Variants in RABGAP1L observed in about 807,000 individuals in gnomAD.
The protein encoded by RABGAP1L is RAB GTPase activating protein 1 like.
RABGAP1L carries 63 observed loss-of-function variants against 137.7 expected under a neutral mutation model. The observed-to-expected ratio is 0.46, with a 90% CI of 0.37 to 0.56. RABGAP1L has a LOEUF of 0.56. RABGAP1L is among the 20% of genes least tolerant of loss of function. The probability of loss-of-function intolerance (pLI) is 0.00; values close to 1 mark genes in which losing one functional copy is unlikely to be tolerated. For missense variants in RABGAP1L, 1,095 were observed against 1,244.0 expected (o/e 0.88, Z 1.80); for synonymous variants, 431 against 433.7 (o/e 0.99, Z 0.08).
chr1:174,647,130 A>G (rs1572668564), intron 14 of RABGAP1L, among the ~76,000 whole-genome samples: 1 of 152,122 alleles, frequency 6.6e-6, no homozygotes. Context: ...GGTTTTCTAA[A>G]TATATAATCA....
At chr1:174,437,770 G>C (rs1653585288) in intron 13 of RABGAP1L, among the ~76,000 whole-genome samples, 1 of 152,132 alleles carries the variant, frequency 6.6e-6, no homozygotes, top group Non-Finnish European at 1.5e-5. Context: ...ATAATTGTCA[G>C]ATTTACCACA....
chr1:174,640,851 T>G (rs970297772), intron 14 of RABGAP1L, among the ~76,000 whole-genome samples: 1 of 151,274 alleles, frequency 6.6e-6, no homozygotes, highest in African/African-American at 2.4e-5. Flanking sequence ...AGGAAATGCA[T>G]CTAATGATTA....
chr1:174,300,387 T>C (rs1325357323), intron 10 of RABGAP1L, among the ~76,000 whole-genome samples: 1 of 151,834 alleles, frequency 6.6e-6, no homozygotes, highest in Non-Finnish European at 1.5e-5. Flanking sequence ...TAGCAGGTTG[T>C]GGTGGCGCAT....
intron 13 of RABGAP1L, among the ~76,000 whole-genome samples, chr1:174,590,009 A>G (rs927731872): frequency 6.6e-6 from 1 of 151,794 alleles, no homozygotes; most frequent in African/African-American, 2.4e-5. Flanking sequence ...TGAGATTGAT[A>G]CTTTGATTCG....
intron 15 of RABGAP1L, among the ~76,000 whole-genome samples, chr1:174,694,427 C>G (rs528929802): frequency 6.6e-6 from 1 of 151,124 alleles, no homozygotes; most frequent in Non-Finnish European, 1.5e-5. Flanking sequence ...TCAGTTCCCA[C>G]CTATGAGGGA....
chr1:174,471,142 A>G (rs1239785501), intron 13 of RABGAP1L, among the ~76,000 whole-genome samples: 2 of 152,000 alleles, frequency 1.3e-5, no homozygotes, highest in African/African-American at 2.4e-5. Context: ...TATGATTTCT[A>G]TTTCTATATT....
intron 20 of RABGAP1L, among the ~76,000 whole-genome samples, chr1:174,968,851 G>A (rs1459949968): frequency 6.6e-6 from 1 of 152,252 alleles, no homozygotes. Flanking sequence ...TTGAAGAAAT[G>A]TCTGGTGGTT....
At chr1:174,627,366 A>G (rs1409322904) in intron 13 of RABGAP1L, among the ~76,000 whole-genome samples, 3 of 152,232 alleles carry the variant, frequency 2.0e-5, no homozygotes, top group Admixed American at 2.0e-4. Flanking sequence ...TGACACTTCA[A>G]TGCTGCATTC....
chr1:174,262,258 G>C (rs1673638117), intron 7 of RABGAP1L, among the ~76,000 whole-genome samples: 2 of 152,178 alleles, frequency 1.3e-5, no homozygotes, highest in Admixed American at 6.5e-5. Flanking sequence ...TCTTTTCATT[G>C]CTGGCTTCTG....
intron 19 of RABGAP1L, among the ~76,000 whole-genome samples, chr1:174,872,995 A>T (rs780168824): frequency 3.3e-5 from 5 of 152,228 alleles, no homozygotes; most frequent in African/African-American, 4.8e-5. Context: ...GTCATGCAGG[A>T]GGAACAGTTT....
chr1:174,842,722 G>A (rs1164008172), intron 19 of RABGAP1L, among the ~76,000 whole-genome samples: 2 of 152,136 alleles, frequency 1.3e-5, no homozygotes, highest in East Asian at 1.9e-4. Flanking sequence ...TGCTAAAATG[G>A]ATGAAGCAGC....
chr1:174,848,569 G>A (rs1159813025), intron 19 of RABGAP1L, among the ~76,000 whole-genome samples: 1 of 148,204 alleles, frequency 6.7e-6, no homozygotes, highest in Non-Finnish European at 1.5e-5. Context: ...CCCACTTGAG[G>A]AGGCAGTCTG....
At chr1:174,574,875 G>A (rs773540963) in intron 13 of RABGAP1L, among the ~76,000 whole-genome samples, 6 of 152,256 alleles carry the variant, frequency 3.9e-5, no homozygotes, top group Middle Eastern at 6.8e-3. Flanking sequence ...CAGGTGGAAG[G>A]AAGAGTAGAC....
intron 19 of RABGAP1L, among the ~76,000 whole-genome samples, chr1:174,812,971 T>C (rs1435004201): frequency 6.6e-6 from 1 of 151,632 alleles, no homozygotes; most frequent in Non-Finnish European, 1.5e-5. Context: ...GCAGCTGGAG[T>C]GAAGTGAATG....
chr1:174,547,065 A>C (rs540488695), intron 13 of RABGAP1L, among the ~76,000 whole-genome samples: 64 of 150,362 alleles, frequency 4.3e-4, no homozygotes, highest in African/African-American at 1.5e-3. Context: ...AAGATAAAGC[A>C]GTTAAATTAA....
At chr1:174,882,683 T>A (rs993520548) in intron 19 of RABGAP1L, among the ~76,000 whole-genome samples, 3 of 152,144 alleles carry the variant, frequency 2.0e-5, no homozygotes, top group African/African-American at 7.2e-5. Context: ...AAATTACAGA[T>A]AAGAAAAAAC....
chr1:174,561,939 G>A (rs903141658), intron 13 of RABGAP1L, among the ~76,000 whole-genome samples: 1 of 152,116 alleles, frequency 6.6e-6, no homozygotes, highest in Non-Finnish European at 1.5e-5. Context: ...CAGGAAATAG[G>A]GGTGGGCAAA....
At chr1:174,460,154 A>G (rs1656509595) in intron 13 of RABGAP1L, among the ~76,000 whole-genome samples, 1 of 152,116 alleles carries the variant, frequency 6.6e-6, no homozygotes, top group Non-Finnish European at 1.5e-5. Flanking sequence ...ACAATGTTGT[A>G]AAAGGATGAG....
At chr1:174,378,234 C>T (rs1206659711) in intron 12 of RABGAP1L, among the ~76,000 whole-genome samples, 1,543 of 150,044 alleles carry the variant, frequency 0.01, no homozygotes, top group African/African-American at 0.032. Context: ...TGAATAATGC[C>T]GCAATAAACA....
Sources: allele counts gnomAD v4.1 joint callset (sites outside exome capture counted in the v4.1 genomes callset), GRCh38; gene constraint gnomAD v4.1.1; transcripts MANE v1.5; gene names NCBI Gene and HGNC (gene_info 2026-07-23, HGNC 2026-07-21).